CCDC120: variants seen among roughly 807,000 people sequenced by gnomAD.
The protein encoded by CCDC120 is coiled-coil domain containing 120.
A neutral mutation model predicts 37.6 loss-of-function variants in CCDC120; 16 were observed. The ratio of observed to expected loss-of-function variants is 0.43; its 90% CI spans 0.29 to 0.65. CCDC120 has a LOEUF of 0.65. Ranked by LOEUF, CCDC120 falls within the 30% of genes least tolerant of loss-of-function variation. The pLI is 0.18. For synonymous variants in CCDC120, 309 were observed against 275.4 expected, an observed-to-expected ratio of 1.12 and a Z score of -1.21; for missense variants, 650 against 657.4, an observed-to-expected ratio of 0.99 and a Z score of 0.12.
chrX:49,056,826 T>TG (rs2064834302), upstream of CCDC120, among the ~76,000 whole-genome samples: 1 of 111,221 alleles, frequency 9.0e-6, no homozygotes, highest in Admixed American at 9.6e-5. Flanking sequence ...GAAGAATACT[T>TG]GTAACTGTGA....
rs1557082338 is a variant in CCDC120 at position 49,068,585 on chromosome X, G to A, written c.2018G>A (p.Arg673His). The A allele has an allele frequency of 5.2e-6, 6 of 1,154,602 alleles. No individual in the cohort carries two copies. In the Admixed American group the frequency reaches 8.1e-5, roughly 16 times the overall value. ...DFLYPPELSARLSDLTLEGEQ... is the reference protein window; with the variant it reads ...DFLYPPELSAHLSDLTLEGEQ... Reference sequence around the variant, plus strand: ...CTGTATCCCCCGGAGCTGAGCGCTCGTTTAAGTGACCTGACGCTAGAGGGG... The same window carrying A: ...CTGTATCCCCCGGAGCTGAGCGCTCATTTAAGTGACCTGACGCTAGAGGGG... The change falls in exon 11 of 11, where the codon CGT becomes CAT. Residue 673 changes from arginine (R) to histidine (H), a missense_variant. Arg to His is a conservative substitution (Grantham distance 29). Around this residue, in one of 3 missense-constraint regions of CCDC120, gnomAD observed 576 missense variants for 565.3 expected, o/e 1.02. Transcript: ENST00000603986.
upstream of CCDC120, among the ~76,000 whole-genome samples, chrX:49,054,762 C>A (rs2064820491): frequency 9.0e-6 from 1 of 110,771 alleles, no homozygotes. Flanking sequence ...GGCCAGTGTT[C>A]TGGCTCATTC....
At chrX:49,065,708 G>T in intron 8 of CCDC120, 39 bp from the exon 9 acceptor site, 1 of 1,182,121 alleles carries the variant, frequency 8.5e-7, no homozygotes, top group Non-Finnish European at 1.1e-6. Context: ...TCTGCTGGTG[G>T]GTACAGTCTC....
chrX:49,064,132 T>C (rs2064921587), intron 5 of CCDC120, 131 bp downstream of exon 5: 2 of 932,048 alleles, frequency 2.1e-6, no homozygotes, highest in Non-Finnish European at 2.9e-6. Flanking sequence ...GGAAAAGGGC[T>C]TCTGGAGTTA....
intron 1 of CCDC120, chrX:49,059,346 G>C (rs2064856514): frequency 1.3e-6 from 1 of 752,621 alleles, no homozygotes; most frequent in African/African-American, 2.3e-5. Context: ...AAATGGACGA[G>C]GAGGGATCGG....
At position 49,067,169 on chromosome X, in the gene CCDC120, A is replaced by C. The variant is rs782138051; in HGVS notation, c.1062-7A>C. 3.3e-6 allele frequency: 4 copies of C among 1,201,478 alleles called. No homozygotes were observed. Among genetic ancestry groups the C allele is most frequent in the Non-Finnish European group, 4.5e-6 (4 of 889,455 alleles). ...CCTATTCCCATGACCCTCGCCTCTC[A>C]CCCCAGACCTGAAGGCCTTCATTCT... On this transcript the variant is annotated splice_polypyrimidine_tract_variant and splice_region_variant and intron_variant, in intron 9 of 10. Coordinates refer to ENST00000603986, the MANE Select transcript of CCDC120 (RefSeq NM_001163321.4).
chrX:49,065,069 T>A lies in CCDC120; in HGVS notation c.758T>A (p.Leu253His), dbSNP rs1557080738. 2 of 1,211,386 alleles carry A rather than the reference T, an allele frequency of 1.7e-6. No individual in the cohort carries two copies. Among genetic ancestry groups the A allele is most frequent in the South Asian group, 1.8e-5 (1 of 56,958 alleles). ...GTTCTGCACTCAGAGAGCAGCTCCC[T>A]CTCAGAGTCTGGGGCCAGCCATGAC... is the stretch of plus-strand genomic sequence containing the variant. ...DVVLHSESSS[L>H]SESGASHDNE... The change falls in exon 7 of 11, where the codon CTC (leucine) becomes CAC (histidine). Residue 253 changes from leucine (L) to histidine (H), a missense_variant. Around this residue, in one of 3 missense-constraint regions of CCDC120, gnomAD observed 576 missense variants for 565.3 expected, o/e 1.02. Transcript: ENST00000603986.
At chrX:49,065,367 C>A in intron 7 of CCDC120, 87 bp from the exon 8 acceptor site, 1 of 1,030,489 alleles carries the variant, frequency 9.7e-7, no homozygotes, top group Non-Finnish European at 1.3e-6. Flanking sequence ...GCACTTTGCC[C>A]CTCCCCATGG....
intron 9 of CCDC120, among the ~76,000 whole-genome samples, chrX:49,066,122 C>T (rs1388602883): frequency 9.0e-6 from 1 of 111,710 alleles, no homozygotes; most frequent in African/African-American, 3.3e-5. Flanking sequence ...ACTTCGGAGG[C>T]TGAGGCAGGA....
At position 49,067,363 on chromosome X, in the gene CCDC120, G is replaced by A. The variant is rs782334530; in HGVS notation, c.1249G>A (p.Ala417Thr). The change falls in exon 10 of 11, where the codon GCT becomes ACT. Residue 417 changes from alanine (A) to threonine (T), a missense_variant. Physicochemically the swap from Ala to Thr is moderately conservative, Grantham distance 58. Coordinates refer to ENST00000603986, the MANE Select transcript of CCDC120 (RefSeq NM_001163321.4). The part of the protein sequence containing the change: ...GGAGSPPAPL[A>T]PSASGPPVCK... Reference sequence around the variant, plus strand: ...AGCTGGCTCCCCGCCTGCCCCTCTGGCTCCCTCTGCCTCTGGCCCCCCAGT... The same window carrying A: ...AGCTGGCTCCCCGCCTGCCCCTCTGACTCCCTCTGCCTCTGGCCCCCCAGT... 3.3e-6 allele frequency: 4 copies of A among 1,199,056 alleles called. No individual in the cohort carries two copies. Among genetic ancestry groups the A allele is most frequent in the Non-Finnish European group, 4.5e-6 (4 of 890,043 alleles).
Position 49,067,682 on chromosome X carries a change from C to T in CCDC120, c.1568C>T (p.Pro523Leu), listed in dbSNP as rs1602529060. 1 of 1,203,406 alleles carries T rather than the reference C, an allele frequency of 8.3e-7. No individual in the cohort carries two copies. The highest frequency in any genetic ancestry group is 2.3e-4 in the Middle Eastern group (1 of 4,318). Residue 523 changes from proline (P) to leucine (L), a missense_variant, in exon 10 of 11, where the codon CCA becomes CTA. By Grantham distance (98) the Pro-to-Leu change is moderately conservative (BLOSUM62 -3). Transcript: ENST00000603986. ...GGGCTCCTCACCATGCTCCCCGGCC[C>T]ACCACCTGTGTATGCAGCTGACAGC... Reference protein sequence around the residue: ...RDGLLTMLPGPPPVYAADSNS... With the variant: ...RDGLLTMLPGLPPVYAADSNS...
In CCDC120 at chrX:49,067,753, C is replaced by T. The variant is rs781996577; in HGVS notation, c.1639C>T (p.Arg547Cys). 1.8e-5 allele frequency: 21 copies of T among 1,194,247 alleles called. No homozygotes were observed. The highest frequency in any genetic ancestry group is 1.4e-4 in the South Asian group (8 of 55,422). ...RTKDPHTRAT[R>C]TKPCGLPPEA... ...CAAGGACCCCCACACCCGTGCCACC[C>T]GCACTAAGCCCTGTGGCCTGCCCCC... is the stretch of plus-strand genomic sequence containing the variant. The change falls in exon 10 of 11, where the codon CGC becomes TGC. Residue 547 changes from arginine to cysteine, a missense_variant. Arg to Cys is a radical substitution (Grantham distance 180, BLOSUM62 -3). Transcript: ENST00000603986.
Position 49,068,768 on chromosome X carries a change from C to A in CCDC120, c.*110C>A, listed in dbSNP as rs2064989618. On this transcript the variant is annotated 3_prime_UTR_variant, in exon 11 of 11. Coordinates refer to ENST00000603986, the MANE Select transcript of CCDC120 (RefSeq NM_001163321.4). ...GTTGCTCTCAGTCCTGAGCAGAGTG[C>A]GCCAACCTAATCTTCCAAGGCCCCT... 2 of 778,181 alleles carry A rather than the reference C, an allele frequency of 2.6e-6. No homozygotes were observed. Among genetic ancestry groups the A allele is most frequent in the African/African-American group, 2.2e-5 (1 of 45,939 alleles). The allele number at this position is 778,181 out of a possible 1,213,427, so 64.1% of individuals were successfully genotyped here. A position where few individuals can be genotyped will look rare whatever the true frequency, so the allele number is the denominator to read the frequency against.
chrX:49,059,299 A>T, intron 1 of CCDC120: 1 of 751,716 alleles, frequency 1.3e-6, no homozygotes, highest in Non-Finnish European at 1.6e-6. Context: ...CCAAAACACC[A>T]ATTTCCTTTC....
Position 49,067,792 on chromosome X carries a change from G to A in CCDC120, c.1678G>A (p.Gly560Ser). 8.4e-7 allele frequency: 1 copy of A among 1,193,075 alleles called. No individual in the cohort carries two copies. Among genetic ancestry groups the A allele is most frequent in the Non-Finnish European group, 1.1e-6 (1 of 884,548 alleles). Residue 560 changes from glycine to serine, a missense_variant, in exon 10 of 11, where the codon GGC (glycine) becomes AGC (serine). This residue lies in a region of CCDC120 where 576 missense variants were observed against 565.3 expected (regional missense o/e 1.02). Transcript: ENST00000603986. Reference sequence around the variant, plus strand: ...TGGCCTGCCCCCAGAGGCTGCCGAAGGCCCTGAGGTGCATCCAAACCCTCT... The same window carrying A: ...TGGCCTGCCCCCAGAGGCTGCCGAAAGCCCTGAGGTGCATCCAAACCCTCT... ...PCGLPPEAAEGPEVHPNPLLW... is the reference protein window; with the variant it reads ...PCGLPPEAAESPEVHPNPLLW...
chrX:49,061,911 T>C (rs1334997515), intron 1 of CCDC120, 48 bp from the exon 2 acceptor site: 27 of 1,073,959 alleles, frequency 2.5e-5, no homozygotes, highest in African/African-American at 3.8e-5. Context: ...TGCGTGTCCA[T>C]TGTTGTTATA....
chrX:49,062,482 G>A lies in CCDC120; in HGVS notation c.169G>A (p.Glu57Lys). 1.6e-6 allele frequency: 2 copies of A among 1,212,214 alleles called. No homozygotes were observed. Among genetic ancestry groups the A allele is most frequent in the South Asian group, 1.8e-5 (1 of 57,037 alleles). Residue 57 changes from glutamate (E) to lysine (K), a missense_variant, in exon 4 of 11, where the codon GAG becomes AAG. This residue lies in a region of CCDC120 where 64 missense variants were observed against 65.2 expected (regional missense o/e 0.98). Coordinates refer to ENST00000603986, the MANE Select transcript of CCDC120 (RefSeq NM_001163321.4). ...TCTGTGTCCAGCTGCCCTGTTCGGA[G>A]AGGCTGCCCCCCAGGTGAAGTCAGA... ...TFNAPAALFG[E>K]AAPQVKSERL...
At chrX:49,058,270 A>T (rs946847695), upstream of CCDC120, among the ~76,000 whole-genome samples, 6 of 112,004 alleles carry the variant, frequency 5.4e-5, no homozygotes, top group Non-Finnish European at 9.4e-5. Context: ...TGCTTGATTT[A>T]TTGAGATTAT....
At chrX:49,065,654 C>A in intron 8 of CCDC120, 26 bp downstream of exon 8, 1 of 1,206,708 alleles carries the variant, frequency 8.3e-7, no homozygotes, top group Non-Finnish European at 1.1e-6. Flanking sequence ...TCCTCCCCTC[C>A]GCAGGAGCTG....
Sources: allele counts gnomAD v4.1 joint callset (sites outside exome capture counted in the v4.1 genomes callset), GRCh38; gene constraint gnomAD v4.1.1; regional missense constraint gnomAD v4.1.1; transcripts MANE v1.5; gene names NCBI Gene and HGNC (gene_info 2026-07-23, HGNC 2026-07-21).